The following RAB8A variants were observed in gnomAD, a reference collection of about 807,000 sequenced individuals.
RAB8A encodes RAB8A, member RAS oncogene family, also known as ras-related protein Rab-8A.
RAB8A carries 5 observed loss-of-function variants against 29.2 expected under a neutral mutation model. The observed-to-expected ratio is 0.17, with a 90% CI of 0.09 to 0.36. The LOEUF is 0.36. Ranked by LOEUF, RAB8A falls within the 10% of genes least tolerant of loss-of-function variation. RAB8A has a pLI of 1.00. For synonymous variants in RAB8A, 108 were observed against 99.9 expected (o/e 1.08, Z -0.49); for missense variants, 171 against 272.2 (o/e 0.63, Z 2.62).
Position 16,132,946 on chromosome 19 carries a change from C to T in RAB8A, c.*642C>T, listed in dbSNP as rs2090934567. 1 of 153,028 alleles carries T rather than the reference C, an allele frequency of 6.5e-6. No individual in the cohort carries two copies. The highest frequency in any genetic ancestry group is 2.1e-4 in the South Asian group (1 of 4,844). The allele number at this position is 153,028 out of a possible 1,614,324, so 9.5% of individuals were successfully genotyped here. A position where few individuals can be genotyped will look rare whatever the true frequency, so the allele number is the denominator to read the frequency against. On this transcript the variant is annotated 3_prime_UTR_variant, in exon 8 of 8. Coordinates refer to ENST00000300935, the MANE Select transcript of RAB8A (RefSeq NM_005370.5). This position sits in a 1 kb window ranked among gnomAD's most constrained non-coding sequence, Gnocchi z 5.6. ...GTAAAGCATTGAGAAGGAAAGAAGC[C>T]TGGAGCAGCCTCTCCTGTCCACAGC...
intron 6 of RAB8A, 60 bp from the exon 7 acceptor site, chr19:16,129,494 G>T: frequency 6.5e-7 from 1 of 1,545,964 alleles, no homozygotes; most frequent in South Asian, 1.1e-5. Context: ...CGCTGTACAC[G>T]GGCGGCTGAG....
At chr19:16,130,617 G>A (rs565469267) in intron 7 of RAB8A, among the ~76,000 whole-genome samples, 1 of 152,124 alleles carries the variant, frequency 6.6e-6, no homozygotes, top group African/African-American at 2.4e-5. Flanking sequence ...TAATGGTCAA[G>A]GTCTGATTCT....
intron 1 of RAB8A, among the ~76,000 whole-genome samples, chr19:16,115,217 G>C (rs1272579448): frequency 6.6e-6 from 1 of 152,090 alleles, no homozygotes; most frequent in African/African-American, 2.4e-5. Flanking sequence ...GAATCCAGGA[G>C]GCAGAGGTTG....
In RAB8A at chr19:16,128,551, G is replaced by GATGTTTCCCCATCCTAGTC. The variant is rs2090912067; in HGVS notation, c.480+469_480+487dup. 2.6e-5 allele frequency among the ~76,000 whole-genome samples: 4 copies of GATGTTTCCCCATCCTAGTC among 152,262 alleles called. No individual in the cohort carries two copies. The South Asian group carries it at 8.3e-4, about 32-fold the overall frequency. ...ACCCCAGCCCTGCGGCCGATCCTGT[G>GATGTTTCCCCATCCTAGTC]ATGTTTCCCCATCCTAGTCATGTTT... On this transcript the variant is annotated intron_variant, in intron 6 of 7. Transcript: ENST00000300935.
rs765531840 is a variant in RAB8A at position 16,114,978 on chromosome 19, A to C, written c.124+2953A>C. On this transcript the variant is annotated intron_variant, in intron 1 of 7. Coordinates refer to ENST00000300935, the MANE Select transcript of RAB8A (RefSeq NM_005370.5). ...TAAAACCCAGAGGAGTGTAGGGCGG[A>C]GTGCTGCTGTGGAGCTTGGCCAACC... is the stretch of plus-strand genomic sequence containing the variant. Among the ~76,000 whole-genome samples, 6 of 151,432 alleles carry C rather than the reference A, an allele frequency of 4.0e-5. 1 individual carries two copies. The South Asian group carries it at 1.3e-3, about 32-fold the overall frequency.
chr19:16,126,139 G>A lies in RAB8A; in HGVS notation c.324+592G>A, dbSNP rs993972795. The A allele has an allele frequency of 1.6e-5, 3 of 182,702 alleles. No homozygotes were observed. In the South Asian group the frequency reaches 3.4e-4, roughly 21 times the overall value. The allele number at this position is 182,702 out of a possible 1,614,324, so 11.3% of individuals were successfully genotyped here. ...CTATAACTAACCATGTGGGGCTTCA[G>A]GTCTGAGGCACAGCCAGAGAACTTT... On this transcript the variant is annotated intron_variant, in intron 4 of 7. Coordinates refer to ENST00000300935, the MANE Select transcript of RAB8A (RefSeq NM_005370.5).
intron 1 of RAB8A, chr19:16,112,464 A>AT (rs2090828835): frequency 5.5e-6 from 1 of 180,432 alleles, no homozygotes; most frequent in Admixed American, 5.4e-5. Flanking sequence ...CTTCACGTGC[A>AT]TTTTCACACT....
chr19:16,126,524 G>A lies in RAB8A; in HGVS notation c.325-913G>A, dbSNP rs142624072. The stretch of plus-strand genomic sequence containing the variant: ...GAAGACAGCAGTTTCCAGTGTCCCC[G>A]TCCTCCAGGAAGCGTGGTCCGCTCC... On this transcript the variant is annotated intron_variant, in intron 4 of 7. Coordinates refer to ENST00000300935, the MANE Select transcript of RAB8A (RefSeq NM_005370.5). The A allele has an allele frequency of 5.0e-3, 763 of 152,386 alleles. 3 individuals carry two copies. Among genetic ancestry groups the A allele is most frequent in the Non-Finnish European group, 6.5e-3 (444 of 68,084 alleles). The allele number at this position is 152,386 out of a possible 1,614,324, so 9.4% of individuals were successfully genotyped here. A position where few individuals can be genotyped will look rare whatever the true frequency, so the allele number is the denominator to read the frequency against.
chr19:16,119,077 A>G (rs1289932517), intron 2 of RAB8A, among the ~76,000 whole-genome samples: 2 of 152,202 alleles, frequency 1.3e-5, no homozygotes, highest in Non-Finnish European at 2.9e-5. Flanking sequence ...GAGTGGGAGC[A>G]GTGTGCCAGG....
chr19:16,112,152 A>C, intron 1 of RAB8A, 127 bp downstream of exon 1: 1 of 1,342,944 alleles, frequency 7.4e-7, no homozygotes, highest in Non-Finnish European at 1.0e-6. Flanking sequence ...GGGGGCCTAA[A>C]GGGAGAAGAG....
chr19:16,124,306 G>C (rs945728020), intron 3 of RAB8A: 1 of 152,208 alleles, frequency 6.6e-6, no homozygotes, highest in African/African-American at 2.4e-5. Flanking sequence ...CATCTGTGTC[G>C]TTTTTGTCCC....
In RAB8A at chr19:16,122,231, G is replaced by A. The variant is rs374717588; in HGVS notation, c.246+421G>A. 4 of 161,722 alleles carry A rather than the reference G, an allele frequency of 2.5e-5. No homozygotes were observed. The highest frequency in any genetic ancestry group is 7.2e-5 in the African/African-American group (3 of 41,946). The allele number at this position is 161,722 out of a possible 1,614,324, so 10.0% of individuals were successfully genotyped here. On this transcript the variant is annotated intron_variant, in intron 3 of 7. Transcript: ENST00000300935. The surrounding 1 kb of genome is among the most constrained non-coding windows in gnomAD (Gnocchi z 4.7). ...CCCTGGGCTGTCGGCCGTTATATCC[G>A]TCACCCAGGCCTGAGGCGGGATGAC...
rs974233474 is a variant in RAB8A, at chr19:16,125,042, G to A, written c.247-428G>A. On this transcript the variant is annotated intron_variant, in intron 3 of 7. Coordinates refer to ENST00000300935, the MANE Select transcript of RAB8A (RefSeq NM_005370.5). This position sits in a 1 kb window ranked among gnomAD's most constrained non-coding sequence, Gnocchi z 5.0. ...GCCTGGTAGGTGGCTCAGGCAGAGCGTGGGGTGAGCAAGGGGTGAAGAGGA... is the reference window on the plus strand; with the variant it reads ...GCCTGGTAGGTGGCTCAGGCAGAGCATGGGGTGAGCAAGGGGTGAAGAGGA... The A allele has an allele frequency of 2.6e-5, 7 of 266,402 alleles. No homozygotes were observed. The highest frequency in any genetic ancestry group is 8.5e-5 in the East Asian group (1 of 11,730). 16.5% of individuals were successfully genotyped at this position (266,402 alleles called of 1,614,324 possible).
At chr19:16,113,953 C>T (rs2090834910) in intron 1 of RAB8A, among the ~76,000 whole-genome samples, 1 of 152,144 alleles carries the variant, frequency 6.6e-6, no homozygotes, top group African/African-American at 2.4e-5. Flanking sequence ...ATGGCTCCTG[C>T]AGTGACAGCA....
intron 6 of RAB8A, among the ~76,000 whole-genome samples, chr19:16,129,016 T>C (rs2090914034): frequency 6.6e-6 from 1 of 152,186 alleles, no homozygotes; most frequent in Admixed American, 6.5e-5. Flanking sequence ...GAGATGAACC[T>C]GCTCCCGCTC....
chr19:16,112,850 C>T (rs2090830523), intron 1 of RAB8A: 1 of 152,238 alleles, frequency 6.6e-6, no homozygotes, highest in South Asian at 2.1e-4. Context: ...TTTTCCCTGC[C>T]CACCTTTCAT....
intron 2 of RAB8A, among the ~76,000 whole-genome samples, chr19:16,121,041 C>G (rs1369703078): frequency 6.6e-6 from 1 of 151,856 alleles, no homozygotes; most frequent in East Asian, 1.9e-4. Flanking sequence ...CTCAGCCTCC[C>G]AGGTAGCTGG....
chr19:16,128,134 C>T (rs374489648), intron 6 of RAB8A, 43 bp downstream of exon 6: 3 of 1,597,846 alleles, frequency 1.9e-6, no homozygotes, highest in East Asian at 2.2e-5. Flanking sequence ...CCTGCAGGAT[C>T]GGCCCCTTCA....
At position 16,127,659 on chromosome 19, in the gene RAB8A, T is replaced by C; in HGVS notation, c.414+133T>C. 1.4e-6 allele frequency: 1 copy of C among 707,418 alleles called. No individual in the cohort carries two copies. The highest frequency in any genetic ancestry group is 1.8e-5 in the African/African-American group (1 of 56,028). The allele number at this position is 707,418 out of a possible 1,614,324, so 43.8% of individuals were successfully genotyped here. ...CCCCAGTGGGGCACGTGCCATGGGATGACAGAAGCACACACCCAGCCGGGG... is the reference window on the plus strand; with the variant it reads ...CCCCAGTGGGGCACGTGCCATGGGACGACAGAAGCACACACCCAGCCGGGG... On this transcript the variant is annotated intron_variant, in intron 5 of 7. Transcript: ENST00000300935. The surrounding 1 kb of genome is among the most constrained non-coding windows in gnomAD (Gnocchi z 4.8).
Sources: gnomAD v4.1 joint callset for allele counts (sites outside exome capture counted in the v4.1 genomes callset) on GRCh38, gnomAD v4.1.1 for gene constraint, Gnocchi (gnomAD v3.1) non-coding constraint, MANE v1.5 for transcripts, NCBI Gene and HGNC (gene_info 2026-07-23, HGNC 2026-07-21) for gene names.